C9orf72: variants seen among roughly 807,000 people sequenced by gnomAD.
The protein encoded by C9orf72 is C9orf72-SMCR8 complex subunit, also known as guanine nucleotide exchange factor C9orf72.
In C9orf72, 44 loss-of-function variants were observed where a neutral mutation model predicts 51.6. The observed-to-expected ratio is 0.85, with a 90% CI of 0.67 to 1.10. The LOEUF is 1.10. Ranked by LOEUF, C9orf72 falls within the 50% of genes least tolerant of loss-of-function variation. C9orf72 has a pLI of 0.00. For synonymous variants in C9orf72, 213 were observed against 194.2 expected (o/e 1.10, Z -0.81); for missense variants, 607 against 570.6 (o/e 1.06, Z -0.65).
chr9:27,556,577 T>C lies in C9orf72; in HGVS notation c.1075A>G (p.Ser359Gly), dbSNP rs764371434. The change falls in exon 8 of 11, where the codon AGC (serine) becomes GGC (glycine). Residue 359 changes from serine to glycine, a missense_variant. Coordinates refer to ENST00000380003, the MANE Select transcript of C9orf72 (RefSeq NM_018325.5). Reference protein sequence around the residue: ...AQDTIIYTDESFTPDLNIFQD... With the variant: ...AQDTIIYTDEGFTPDLNIFQD... ...ATTACGTACAAATCAGGAGTAAAGC[T>C]TTCGTCAGTGTAGATGATCGTATCC... 6.2e-7 allele frequency: 1 copy of C among 1,612,538 alleles called. No homozygotes were observed. The highest frequency in any genetic ancestry group is 8.5e-7 in the Non-Finnish European group (1 of 1,178,668).
In C9orf72 at chr9:27,546,628, A is replaced by G. The variant is rs530959276; in HGVS notation, c.*1608T>C. 6.6e-6 allele frequency: 1 copy of G among 152,330 alleles called. No homozygotes were observed. Among genetic ancestry groups the G allele is most frequent in the East Asian group, 1.9e-4 (1 of 5,190 alleles). 9.4% of individuals were successfully genotyped at this position (152,330 alleles called of 1,614,324 possible). A position where few individuals can be genotyped will look rare whatever the true frequency, so the allele number is the denominator to read the frequency against. On this transcript the variant is annotated 3_prime_UTR_variant, in exon 11 of 11. Transcript: ENST00000380003. ...ATGTTTACACATGCTTTAATAACTT[A>G]TTTCACTGTACAACTTACATTCTGT...
intron 8 of C9orf72, among the ~76,000 whole-genome samples, chr9:27,551,020 T>C (rs1404778640): frequency 1.3e-5 from 2 of 152,006 alleles, no homozygotes; most frequent in African/African-American, 4.8e-5. Flanking sequence ...ACTACTCTCA[T>C]CTTTTAAAAA....
At chr9:27,558,456 A>G in intron 7 of C9orf72, 35 bp downstream of exon 7, 1 of 1,129,506 alleles carries the variant, frequency 8.9e-7, no homozygotes, top group Non-Finnish European at 1.3e-6. Context: ...TGATTTTAGA[A>G]AAGTGGTTTC....
rs1407072666 is a variant in C9orf72 at position 27,548,203 on chromosome 9, A to G, written c.*33T>C. Reference sequence around the variant, plus strand: ...CTGAGCTACTTTACCAGCGATCATGATTGTGATGGAATAGGCTTATTAAGT... The same window carrying G: ...CTGAGCTACTTTACCAGCGATCATGGTTGTGATGGAATAGGCTTATTAAGT... On this transcript the variant is annotated 3_prime_UTR_variant, in exon 11 of 11. Coordinates refer to ENST00000380003, the MANE Select transcript of C9orf72 (RefSeq NM_018325.5). 1 of 1,532,424 alleles carries G rather than the reference A, an allele frequency of 6.5e-7. No individual in the cohort carries two copies. Among genetic ancestry groups the G allele is most frequent in the South Asian group, 1.2e-5 (1 of 84,688 alleles). The allele number at this position is 1,532,424 out of a possible 1,614,324, so 94.9% of individuals were successfully genotyped here.
intron 3 of C9orf72, 60 bp from the exon 4 acceptor site, chr9:27,562,536 T>A: frequency 3.9e-6 from 3 of 759,814 alleles, no homozygotes; most frequent in Non-Finnish European, 6.2e-6. Flanking sequence ...AGCTGGGCAA[T>A]AAAAAATAAA....
In C9orf72 at chr9:27,553,673, G is replaced by A. The variant is rs61541842; in HGVS notation, c.1091+2888C>T. 9.9e-3 allele frequency among the ~76,000 whole-genome samples: 1,501 copies of A among 152,094 alleles called. 15 individuals carry two copies. Among genetic ancestry groups the A allele is most frequent in the African/African-American group, 0.01 (433 of 41,494 alleles). ...CTGGCACAGATTTTATGATGAAGACGCCAAAAGCAACTGCAACAAAAACAA... is the reference window on the plus strand; with the variant it reads ...CTGGCACAGATTTTATGATGAAGACACCAAAAGCAACTGCAACAAAAACAA... On this transcript the variant is annotated intron_variant, in intron 8 of 10. Transcript: ENST00000380003.
At position 27,546,714 on chromosome 9, in the gene C9orf72, C is replaced by T. The variant is rs2131524973; in HGVS notation, c.*1522G>A. ...AGTTAGCACTTAAATAAGAATCTACCATGTAAAAAACACAGTATGGGACAC... is the reference window on the plus strand; with the variant it reads ...AGTTAGCACTTAAATAAGAATCTACTATGTAAAAAACACAGTATGGGACAC... On this transcript the variant is annotated 3_prime_UTR_variant, in exon 11 of 11. Coordinates refer to ENST00000380003, the MANE Select transcript of C9orf72 (RefSeq NM_018325.5). 6.6e-6 allele frequency: 1 copy of T among 152,144 alleles called. No homozygotes were observed. Among genetic ancestry groups the T allele is most frequent in the East Asian group, 1.9e-4 (1 of 5,184 alleles). 9.4% of individuals were successfully genotyped at this position (152,144 alleles called of 1,614,324 possible).
At chr9:27,557,276 C>G (rs530833031) in intron 7 of C9orf72, among the ~76,000 whole-genome samples, 2 of 152,130 alleles carry the variant, frequency 1.3e-5, no homozygotes, top group Non-Finnish European at 2.9e-5. Flanking sequence ...CTTAATTATT[C>G]TATGCACCTC....
rs11292923 is a variant in C9orf72 at position 27,548,435 on chromosome 9, GAAAAAAAAAAA to G, written c.1260-24_1260-14del. On this transcript the variant is annotated splice_polypyrimidine_tract_variant and intron_variant, in intron 10 of 10. Transcript: ENST00000380003. ...TTTTCCCTTCTGCCTAAAAATAATG[GAAAAAAAAAAA>G]AAAAAAAAAAAAAAAGAAGCGCAAA... The G allele has an allele frequency of 6.7e-3, 1,174 of 174,890 alleles. 12 individuals carry two copies. Among genetic ancestry groups the G allele is most frequent in the African/African-American group, 0.037 (419 of 11,278 alleles). 10.8% of individuals were successfully genotyped at this position (174,890 alleles called of 1,614,324 possible).
rs1819209564 is a variant in C9orf72 at position 27,556,715 on chromosome 9, T to A, written c.937A>T (p.Asn313Tyr). The change falls in exon 8 of 11, where the codon AAT becomes TAT. Residue 313 changes from asparagine to tyrosine, a missense_variant. Asn to Tyr is a moderately radical substitution (Grantham distance 143). Transcript: ENST00000380003. ...YPTTHIDVDV[N>Y]TVKQMPPCHE... is the part of the protein sequence containing the mutation. ...CAGGGTGGCATCTGCTTCACAGTATTGACATCCACATCTATGTGTGTGGTG... is the reference window on the plus strand; with the variant it reads ...CAGGGTGGCATCTGCTTCACAGTATAGACATCCACATCTATGTGTGTGGTG... 6.2e-7 allele frequency: 1 copy of A among 1,613,906 alleles called. No individual in the cohort carries two copies. Among genetic ancestry groups the A allele is most frequent in the African/African-American group, 1.3e-5 (1 of 74,926 alleles).
chr9:27,562,115 TG>T (rs1819364614), intron 4 of C9orf72, among the ~76,000 whole-genome samples: 1 of 152,200 alleles, frequency 6.6e-6, no homozygotes, highest in Admixed American at 6.6e-5. Context: ...CTATAAGAGC[TG>T]GGATCCTCCC....
rs1819212273 is a variant in C9orf72 at position 27,556,808 on chromosome 9, A to C, written c.856-12T>G. 2 of 1,573,478 alleles carry C rather than the reference A, an allele frequency of 1.3e-6. No individual in the cohort carries two copies. Among genetic ancestry groups the C allele is most frequent in the Non-Finnish European group, 1.7e-6 (2 of 1,143,582 alleles). On this transcript the variant is annotated splice_polypyrimidine_tract_variant and intron_variant, in intron 7 of 10. Transcript: ENST00000380003. Reference sequence around the variant, plus strand: ...CTTCCAGTTGAATCCTGTCAAAATAAAAGGAAAATTTACTGTCTTACATGC... The same window carrying C: ...CTTCCAGTTGAATCCTGTCAAAATACAAGGAAAATTTACTGTCTTACATGC...
At position 27,548,310 on chromosome 9, in the gene C9orf72, C is replaced by A; in HGVS notation, c.1372G>T (p.Gly458Cys). 1 of 1,612,614 alleles carries A rather than the reference C, an allele frequency of 6.2e-7. No individual in the cohort carries two copies. The highest frequency in any genetic ancestry group is 8.5e-7 in the Non-Finnish European group (1 of 1,179,278). ...IMALAEKIKP[G>C]LHSFIFGRPF... Reference sequence around the variant, plus strand: ...CTTCCAAAGATAAAAGAGTGTAGGCCTGGTTTAATTTTCTCAGCCAGAGCC... The same window carrying A: ...CTTCCAAAGATAAAAGAGTGTAGGCATGGTTTAATTTTCTCAGCCAGAGCC... Residue 458 changes from glycine (G) to cysteine (C), a missense_variant, in exon 11 of 11, where the codon GGC becomes TGC. Transcript: ENST00000380003.
intron 8 of C9orf72, among the ~76,000 whole-genome samples, chr9:27,555,684 C>T (rs180827795): frequency 9.2e-5 from 14 of 151,618 alleles, no homozygotes; most frequent in Admixed American, 2.0e-4. Context: ...CCTCAGCTTT[C>T]GGAATAGCTA....
intron 8 of C9orf72, among the ~76,000 whole-genome samples, chr9:27,553,983 A>C (rs1414342141): frequency 6.6e-6 from 1 of 152,106 alleles, no homozygotes; most frequent in East Asian, 1.9e-4. Flanking sequence ...TCAATTCTCT[A>C]GGAATGGCTA....
chr9:27,552,234 G>A (rs777809705), intron 8 of C9orf72, among the ~76,000 whole-genome samples: 1 of 152,190 alleles, frequency 6.6e-6, no homozygotes, highest in South Asian at 2.1e-4. Flanking sequence ...CGGTTCTCAA[G>A]GAGAATACTT....
upstream of C9orf72, chr9:27,573,684 G>A: frequency 6.6e-6 from 1 of 152,484 alleles, no homozygotes. Flanking sequence ...TGGGGAGAGA[G>A]GGTGGGAAAA....
At chr9:27,551,410 C>A (rs537011594) in intron 8 of C9orf72, among the ~76,000 whole-genome samples, 1 of 152,318 alleles carries the variant, frequency 6.6e-6, no homozygotes, top group East Asian at 1.9e-4. Context: ...CCTTCCCAGG[C>A]CCCACCTCCC....
At chr9:27,556,403 C>T (rs769284435) in intron 8 of C9orf72, 158 bp downstream of exon 8, 36 of 597,556 alleles carry the variant, frequency 6.0e-5, no homozygotes, top group Non-Finnish European at 9.5e-5. Context: ...AAAAGAAGAA[C>T]ATTTAAGAAA....
Sources: allele counts gnomAD v4.1 joint callset (sites outside exome capture counted in the v4.1 genomes callset), GRCh38; gene constraint gnomAD v4.1.1; transcripts MANE v1.5; gene names NCBI Gene and HGNC (gene_info 2026-07-23, HGNC 2026-07-21).